PEMT: variants seen among roughly 807,000 people sequenced by gnomAD.
The protein encoded by PEMT is phospholipid methyltransferase.
Under a neutral mutation model 27.4 loss-of-function variants are expected in PEMT, and 23 were observed. That is an observed-to-expected ratio of 0.84 (90% confidence interval 0.60 to 1.19). The LOEUF (loss-of-function observed/expected upper bound fraction) is 1.19, where lower values mean the gene tolerates loss of function less well. Among genes scored for constraint, PEMT ranks in the 50% most tolerant of loss-of-function variants. PEMT has a pLI of 0.00. For synonymous variants in PEMT, 137 were observed against 139.1 expected (o/e 0.98, Z 0.11); for missense variants, 307 against 310.1 (o/e 0.99, Z 0.07).
Position 17,523,469 on chromosome 17 carries a change from T to C in PEMT, c.205-1074A>G, listed in dbSNP as rs949620109. On this transcript the variant is annotated intron_variant, in intron 2 of 6. Transcript: ENST00000255389. The surrounding 1 kb of genome is among the most constrained non-coding windows in gnomAD (Gnocchi z 4.8). ...TCTGGCCCCTGTCCTCAGAGCTCCTTGGCAGTGGCAGGCTAGGGGGCAGCA... is the reference window on the plus strand; with the variant it reads ...TCTGGCCCCTGTCCTCAGAGCTCCTCGGCAGTGGCAGGCTAGGGGGCAGCA... Among the ~76,000 whole-genome samples the C allele has an allele frequency of 6.6e-6, 1 of 152,112 alleles. No individual in the cohort carries two copies. Among genetic ancestry groups the C allele is most frequent in the African/African-American group, 2.4e-5 (1 of 41,422 alleles).
At chr17:17,550,057 T>A (rs2142639590) in intron 2 of PEMT, among the ~76,000 whole-genome samples, 1 of 152,272 alleles carries the variant, frequency 6.6e-6, no homozygotes, top group South Asian at 2.1e-4. Context: ...CTGAAAACAG[T>A]TCCTCCCTGA....
In PEMT at chr17:17,550,183, C is replaced by T. The variant is rs3803760; in HGVS notation, c.204+26737G>A. The stretch of plus-strand genomic sequence containing the variant: ...TGCTCCCCACCACCCCCCTCTGGAA[C>T]GTGTCCCGTGACCCTCTGAGGACAC... On this transcript the variant is annotated intron_variant, in intron 2 of 6. Coordinates refer to ENST00000255389, the MANE Select transcript of PEMT (RefSeq NM_148172.3). Among the ~76,000 whole-genome samples, 299 of 152,308 alleles carry T rather than the reference C, an allele frequency of 2.0e-3. 6 individuals are homozygous for T. The East Asian group carries it at 0.052, about 27-fold the overall frequency.
In PEMT at chr17:17,522,316, A is replaced by T; in HGVS notation, c.284T>A (p.Val95Asp). Reference sequence around the variant, plus strand: ...CAGGAAGTTCAGGAGCAGGATGGTGACGCTTAGAGAGTAGCAGGCCAGGTA... The same window carrying T: ...CAGGAAGTTCAGGAGCAGGATGGTGTCGCTTAGAGAGTAGCAGGCCAGGTA... ...SPYLACYSLSVTILLLNFLRS... is the reference protein window; with the variant it reads ...SPYLACYSLSDTILLLNFLRS... Residue 95 changes from valine to aspartate, a missense_variant, in exon 3 of 7, where the codon GTC (valine) becomes GAC (aspartate). Val to Asp is a radical substitution (Grantham distance 152). Transcript: ENST00000255389. 1.2e-6 allele frequency: 2 copies of T among 1,613,928 alleles called. No individual in the cohort carries two copies. The highest frequency in any genetic ancestry group is 1.7e-6 in the Non-Finnish European group (2 of 1,179,864).
Position 17,561,459 on chromosome 17 carries a change from C to T in PEMT, c.204+15461G>A, listed in dbSNP as rs1223518180. 1.3e-5 allele frequency among the ~76,000 whole-genome samples: 2 copies of T among 152,252 alleles called. No homozygotes were observed. The highest frequency in any genetic ancestry group is 4.8e-5 in the African/African-American group (2 of 41,476). ...GGTATCAAGGACAAAACCCACAGAGCAGTTCCACAACAGATGCCCTGGGGT... is the reference window on the plus strand; with the variant it reads ...GGTATCAAGGACAAAACCCACAGAGTAGTTCCACAACAGATGCCCTGGGGT... On this transcript the variant is annotated intron_variant, in intron 2 of 6. Transcript: ENST00000255389. This position sits in a 1 kb window ranked among gnomAD's most constrained non-coding sequence, Gnocchi z 4.5.
At chr17:17,507,534 A>C in intron 5 of PEMT, 1 of 317,258 alleles carries the variant, frequency 3.2e-6, no homozygotes, top group Non-Finnish European at 5.9e-6. Flanking sequence ...CCAGGCTCCA[A>C]CCCCAGGCCT....
At chr17:17,557,868 C>T (rs1222535174) in intron 2 of PEMT, among the ~76,000 whole-genome samples, 1 of 152,210 alleles carries the variant, frequency 6.6e-6, no homozygotes, top group African/African-American at 2.4e-5. Context: ...CTCACCCTCC[C>T]CAGGGTTTAC....
At chr17:17,546,066 G>A (rs1355069599) in intron 2 of PEMT, among the ~76,000 whole-genome samples, 1 of 152,184 alleles carries the variant, frequency 6.6e-6, no homozygotes, top group Non-Finnish European at 1.5e-5. Context: ...AGCCTCTTCT[G>A]TACCCATCTT....
At chr17:17,537,226 G>C (rs1445857122) in intron 2 of PEMT, among the ~76,000 whole-genome samples, 1 of 152,246 alleles carries the variant, frequency 6.6e-6, no homozygotes, top group Non-Finnish European at 1.5e-5. Context: ...TCAGAGTCCA[G>C]CTCGGAGGTG....
At chr17:17,538,967 C>T (rs1908691583) in intron 2 of PEMT, among the ~76,000 whole-genome samples, 1 of 152,216 alleles carries the variant, frequency 6.6e-6, no homozygotes, top group Non-Finnish European at 1.5e-5. Context: ...CCATCATCAA[C>T]GCCCATGTGC....
At chr17:17,519,825 A>G (rs932642096) in intron 3 of PEMT, among the ~76,000 whole-genome samples, 19 of 152,222 alleles carry the variant, frequency 1.2e-4, no homozygotes, top group African/African-American at 4.6e-4. Flanking sequence ...GACTCAGAGC[A>G]GCTCCCGGGG....
rs1912310473 is a variant in PEMT, at chr17:17,586,295, A to AAAAC, written c.96+5235_96+5236insGTTT. On this transcript the variant is annotated intron_variant, in intron 1 of 6. Coordinates refer to ENST00000255389, the MANE Select transcript of PEMT (RefSeq NM_148172.3). ...AAGAAAGAAAGAAAGAAAGAAAAAAAAAAACGCAGGTGGAAAATCGGGAGG... is the reference window on the plus strand; with the variant it reads ...AAGAAAGAAAGAAAGAAAGAAAAAAAAAACAAAACGCAGGTGGAAAATCGGGAGG... 2.9e-5 allele frequency among the ~76,000 whole-genome samples: 4 copies of AAAAC among 138,796 alleles called. 1 individual carries two copies. Among genetic ancestry groups the AAAAC allele is most frequent in the Non-Finnish European group, 5.9e-5 (4 of 67,668 alleles). The allele number at this position is 138,796 out of a possible 152,430, so 91.1% of individuals were successfully genotyped here. A position where few individuals can be genotyped will look rare whatever the true frequency, so the allele number is the denominator to read the frequency against.
At chr17:17,540,602 C>T (rs1908809892) in intron 2 of PEMT, among the ~76,000 whole-genome samples, 1 of 152,170 alleles carries the variant, frequency 6.6e-6, no homozygotes, top group Non-Finnish European at 1.5e-5. Context: ...AGAAGGAGCC[C>T]AACTTCCAGG....
chr17:17,580,541 G>T (rs560420539), intron 1 of PEMT, among the ~76,000 whole-genome samples: 47 of 152,234 alleles, frequency 3.1e-4, no homozygotes, highest in Middle Eastern at 3.4e-3. Context: ...ACAGCCTGGT[G>T]GGGGGAGGGT....
At position 17,561,013 on chromosome 17, in the gene PEMT, C is replaced by G. The variant is rs555127022; in HGVS notation, c.204+15907G>C. 6.6e-6 allele frequency among the ~76,000 whole-genome samples: 1 copy of G among 152,174 alleles called. No individual in the cohort carries two copies. The highest frequency in any genetic ancestry group is 1.9e-4 in the East Asian group (1 of 5,168). ...GCAGTGTGACTGAAGATAGCAAGGACCCCGGCCGCGCCTTCCTCTCCCCTC... is the reference window on the plus strand; with the variant it reads ...GCAGTGTGACTGAAGATAGCAAGGAGCCCGGCCGCGCCTTCCTCTCCCCTC... On this transcript the variant is annotated intron_variant, in intron 2 of 6. Transcript: ENST00000255389. The surrounding 1 kb of genome is among the most constrained non-coding windows in gnomAD (Gnocchi z 4.5).
chr17:17,590,496 A>G (rs4646341), intron 1 of PEMT, among the ~76,000 whole-genome samples: 95,393 of 152,134 alleles, frequency 0.63, 30,801 homozygotes, highest in African/African-American at 0.78. Flanking sequence ...ACTAACTGGT[A>G]TTAGCTCCTT....
rs557895337 is a variant in PEMT at position 17,555,245 on chromosome 17, G to A, written c.204+21675C>T. Among the ~76,000 whole-genome samples, 28 of 152,210 alleles carry A rather than the reference G, an allele frequency of 1.8e-4. No homozygotes were observed. In the South Asian group the frequency reaches 5.6e-3, roughly 30 times the overall value. On this transcript the variant is annotated intron_variant, in intron 2 of 6. Coordinates refer to ENST00000255389, the MANE Select transcript of PEMT (RefSeq NM_148172.3). ...ACTGTACCCACCCCCAAGAAGAAGG[G>A]CGACACGGAGGGATGGGGCCGAATT...
At chr17:17,519,335 T>C (rs1702707778) in intron 3 of PEMT, among the ~76,000 whole-genome samples, 2 of 152,116 alleles carry the variant, frequency 1.3e-5, no homozygotes, top group Non-Finnish European at 2.9e-5. Flanking sequence ...ACATCCTTTC[T>C]CTCCTCCCCA....
chr17:17,509,376 C>T (rs1213661661), intron 5 of PEMT, 58 bp downstream of exon 5: 2 of 1,177,122 alleles, frequency 1.7e-6, no homozygotes, highest in Non-Finnish European at 2.5e-6. Context: ...CTGAGCTGCA[C>T]CAGCTCCTCT....
At chr17:17,573,992 G>C (rs1460564288) in intron 2 of PEMT, among the ~76,000 whole-genome samples, 1 of 151,984 alleles carries the variant, frequency 6.6e-6, no homozygotes, top group Non-Finnish European at 1.5e-5. Context: ...ATGTTCCCCA[G>C]GATGGTCTCC....
Sources: allele counts gnomAD v4.1 joint callset (sites outside exome capture counted in the v4.1 genomes callset), GRCh38; gene constraint gnomAD v4.1.1; non-coding constraint Gnocchi (gnomAD v3.1); transcripts MANE v1.5; gene names NCBI Gene and HGNC (gene_info 2026-07-23, HGNC 2026-07-21).